The following ARNT2 variants were observed in gnomAD, a reference collection of about 807,000 sequenced individuals.
The protein encoded by ARNT2 is aryl hydrocarbon receptor nuclear translocator 2.
A neutral mutation model predicts 91.7 loss-of-function variants in ARNT2; 36 were observed. The ratio of observed to expected loss-of-function variants is 0.39; its 90% CI spans 0.30 to 0.52. The LOEUF (loss-of-function observed/expected upper bound fraction) is 0.52. ARNT2 is among the 20% of genes least tolerant of loss of function. ARNT2 has a pLI of 0.72. For synonymous variants in ARNT2, 365 were observed against 347.1 expected (o/e 1.05, Z -0.57); for missense variants, 775 against 939.3 (o/e 0.83, Z 2.29).
At chr15:80,477,121 C>T (rs996757817) in intron 5 of ARNT2, among the ~76,000 whole-genome samples, 8 of 152,256 alleles carry the variant, frequency 5.3e-5, no homozygotes, top group African/African-American at 1.9e-4. Flanking sequence ...TTTCCTGAGG[C>T]CTCCTCAGAG....
chr15:80,410,321 G>A (rs1026904229), intron 1 of ARNT2, among the ~76,000 whole-genome samples: 1 of 152,170 alleles, frequency 6.6e-6, no homozygotes, highest in African/African-American at 2.4e-5. Flanking sequence ...TCATTGTAAG[G>A]AGTTAGGGGA....
intron 1 of ARNT2, among the ~76,000 whole-genome samples, chr15:80,412,405 A>C (rs1895695591): frequency 6.6e-6 from 1 of 152,198 alleles, no homozygotes; most frequent in South Asian, 2.1e-4. Flanking sequence ...GATTGTAAAA[A>C]ATTTGGAAAA....
In ARNT2 at chr15:80,566,445, C is replaced by A. The variant is rs144897541; in HGVS notation, c.1316+3206C>A. On this transcript the variant is annotated intron_variant, in intron 12 of 18. Coordinates refer to ENST00000303329, the MANE Select transcript of ARNT2 (RefSeq NM_014862.4). ...CACCTTCTTCATCTCCCTGCACGTCCCTGGACTCCCGTGACCCTCCCTTCT... is the reference window on the plus strand; with the variant it reads ...CACCTTCTTCATCTCCCTGCACGTCACTGGACTCCCGTGACCCTCCCTTCT... Among the ~76,000 whole-genome samples, 265 of 152,316 alleles carry A rather than the reference C, an allele frequency of 1.7e-3. 1 individual carries two copies. The highest frequency in any genetic ancestry group is 6.1e-3 in the African/African-American group (253 of 41,576).
intron 5 of ARNT2, among the ~76,000 whole-genome samples, chr15:80,480,852 A>C (rs1295305746): frequency 6.7e-6 from 1 of 149,728 alleles, no homozygotes; most frequent in African/African-American, 2.5e-5. Flanking sequence ...TTCTCTGACC[A>C]CTACTTAGTT....
chr15:80,417,502 C>T (rs1895803706), intron 1 of ARNT2, among the ~76,000 whole-genome samples: 1 of 151,938 alleles, frequency 6.6e-6, no homozygotes, highest in African/African-American at 2.4e-5. Context: ...TCTCCCTCTC[C>T]TTCCCATCCC....
chr15:80,542,018 A>T (rs1897915580), intron 8 of ARNT2, among the ~76,000 whole-genome samples: 2 of 152,130 alleles, frequency 1.3e-5, no homozygotes, highest in Admixed American at 1.3e-4. Flanking sequence ...GGCCCTTCTG[A>T]CTTAGATGAC....
At chr15:80,505,077 G>T (rs1226945768) in intron 5 of ARNT2, among the ~76,000 whole-genome samples, 1 of 152,334 alleles carries the variant, frequency 6.6e-6, no homozygotes, top group South Asian at 2.1e-4. Context: ...ATCTAAGCCT[G>T]CCAGGAAACA....
chr15:80,409,781 T>A (rs1895654901), intron 1 of ARNT2, among the ~76,000 whole-genome samples: 1 of 152,102 alleles, frequency 6.6e-6, no homozygotes, highest in Non-Finnish European at 1.5e-5. Flanking sequence ...TTGAAGTCAG[T>A]GAAAGCCTCT....
chr15:80,475,220 A>C lies in ARNT2; in HGVS notation c.619A>C (p.Thr207Pro), dbSNP rs1288343490. The change falls in exon 5 of 19, where the codon ACA becomes CCA. Residue 207 changes from threonine to proline, a missense_variant. Around this residue, in one of 5 missense-constraint regions of ARNT2, gnomAD observed 285 missense variants for 327.2 expected, o/e 0.87. Transcript: ENST00000303329. ...ACTGTGCACCTCAGAAAACTCAATG[A>C]CAGGTCAGTGGAGCTCCCTTTATGA... ...EQLCTSENSM[T>P]GRILDLKTGT... is the part of the protein sequence containing the mutation. The C allele has an allele frequency of 6.2e-7, 1 of 1,613,772 alleles. No homozygotes were observed. Among genetic ancestry groups the C allele is most frequent in the Non-Finnish European group, 8.5e-7 (1 of 1,180,028 alleles).
rs183610552 is a variant in ARNT2, at chr15:80,503,154, T to A, written c.623-5002T>A. The stretch of plus-strand genomic sequence containing the variant: ...GAGCAGTGTAACTGGCAGTAACATC[T>A]CTGTTTGCCTCTCTACTGGGAGCCG... On this transcript the variant is annotated intron_variant, in intron 5 of 18. Coordinates refer to ENST00000303329, the MANE Select transcript of ARNT2 (RefSeq NM_014862.4). Among the ~76,000 whole-genome samples the A allele has an allele frequency of 3.9e-5, 6 of 152,254 alleles. No individual in the cohort carries two copies. In the East Asian group the frequency reaches 1.2e-3, roughly 29 times the overall value.
At chr15:80,448,094 G>T (rs1027657728) in intron 1 of ARNT2, among the ~76,000 whole-genome samples, 2 of 151,864 alleles carry the variant, frequency 1.3e-5, no homozygotes, top group Non-Finnish European at 2.9e-5. Flanking sequence ...CAAGCACTAT[G>T]TTAGGCTCAT....
chr15:80,541,234 A>T (rs916561345), intron 8 of ARNT2, among the ~76,000 whole-genome samples: 1 of 152,072 alleles, frequency 6.6e-6, no homozygotes, highest in Non-Finnish European at 1.5e-5. Context: ...TTCTCTGATG[A>T]TTAGTGATGT....
chr15:80,407,579 G>T (rs1895618845), intron 1 of ARNT2, among the ~76,000 whole-genome samples: 1 of 152,138 alleles, frequency 6.6e-6, no homozygotes, highest in African/African-American at 2.4e-5. Context: ...CTCCTTCTGG[G>T]TCATTTACAG....
chr15:80,468,712 G>A (rs890676136), intron 3 of ARNT2, among the ~76,000 whole-genome samples: 4 of 152,240 alleles, frequency 2.6e-5, no homozygotes, highest in South Asian at 2.1e-4. Flanking sequence ...CATACTCTGC[G>A]TTTCATTTCC....
At chr15:80,416,672 G>T (rs1895790335) in intron 1 of ARNT2, among the ~76,000 whole-genome samples, 1 of 151,564 alleles carries the variant, frequency 6.6e-6, no homozygotes, top group Non-Finnish European at 1.5e-5. Flanking sequence ...TAACATTTTT[G>T]CCAAGTATAG....
intron 5 of ARNT2, among the ~76,000 whole-genome samples, chr15:80,503,398 C>T (rs1305787014): frequency 6.6e-6 from 1 of 152,238 alleles, no homozygotes; most frequent in Non-Finnish European, 1.5e-5. Flanking sequence ...TGAAGAGCGG[C>T]TTCATTGTGT....
At chr15:80,427,036 A>G (rs1895942900) in intron 1 of ARNT2, among the ~76,000 whole-genome samples, 1 of 152,160 alleles carries the variant, frequency 6.6e-6, no homozygotes, top group Non-Finnish European at 1.5e-5. Context: ...ATTTCCAAAT[A>G]CTTTCACATT....
intron 5 of ARNT2, among the ~76,000 whole-genome samples, chr15:80,503,911 A>G (rs4303445): frequency 0.43 from 64,716 of 152,100 alleles, 14,339 homozygotes; most frequent in Non-Finnish European, 0.46. Context: ...GCCCTGGTCC[A>G]TGTGAGAAGG....
intron 2 of ARNT2, among the ~76,000 whole-genome samples, chr15:80,452,596 T>A (rs964257252): frequency 1.3e-5 from 2 of 152,254 alleles, no homozygotes; most frequent in Non-Finnish European, 2.9e-5. Context: ...CTAACTCGCA[T>A]TCCCTGAGGA....
Sources: allele counts gnomAD v4.1 joint callset (sites outside exome capture counted in the v4.1 genomes callset), GRCh38; gene constraint gnomAD v4.1.1; regional missense constraint gnomAD v4.1.1; transcripts MANE v1.5; gene names NCBI Gene and HGNC (gene_info 2026-07-23, HGNC 2026-07-21).